The following UBE2V2 variants were observed in gnomAD, a reference collection of about 807,000 sequenced individuals.
UBE2V2 encodes ubiquitin conjugating enzyme E2 V2, also known as ubiquitin-conjugating enzyme E2 variant 2.
A neutral mutation model predicts 17.2 loss-of-function variants in UBE2V2; 9 were observed. That is an observed-to-expected ratio of 0.52 (90% confidence interval 0.32 to 0.91). The LOEUF is 0.91. UBE2V2 is among the 40% of genes least tolerant of loss of function. The pLI is 0.04. For missense variants in UBE2V2, 133 were observed against 182.6 expected (o/e 0.73, Z 1.56); for synonymous variants, 61 against 57.5 (o/e 1.06, Z -0.28).
chr8:48,004,750 T>C (rs2091172831), upstream of UBE2V2, among the ~76,000 whole-genome samples: 1 of 152,074 alleles, frequency 6.6e-6, no homozygotes, highest in African/African-American at 2.4e-5. Context: ...AGGCTGGTAT[T>C]GAATTCCCGA....
intron 1 of UBE2V2, among the ~76,000 whole-genome samples, chr8:48,015,209 C>T (rs2091261043): frequency 6.6e-6 from 1 of 151,866 alleles, no homozygotes; most frequent in Admixed American, 6.6e-5. Context: ...AAAATCCCAT[C>T]TCTACAAAAA....
At chr8:48,030,341 G>A (rs1473378321) in intron 1 of UBE2V2, among the ~76,000 whole-genome samples, 1 of 152,220 alleles carries the variant, frequency 6.6e-6, no homozygotes, top group Non-Finnish European at 1.5e-5. Flanking sequence ...TGTTTATCAA[G>A]TGCCTGTTGT....
In UBE2V2 at chr8:48,061,020, G is replaced by A. The variant is rs1802584139; in HGVS notation, c.*192G>A. 2.2e-6 allele frequency: 1 copy of A among 463,438 alleles called. No individual in the cohort carries two copies. The highest frequency in any genetic ancestry group is 3.4e-6 in the Non-Finnish European group (1 of 297,642). The allele number at this position is 463,438 out of a possible 1,614,324, so 28.7% of individuals were successfully genotyped here. On this transcript the variant is annotated 3_prime_UTR_variant, in exon 4 of 4. Coordinates refer to ENST00000523111, the MANE Select transcript of UBE2V2 (RefSeq NM_003350.3). ...TTCAGGTAACAGGAGGAAAAATGCA[G>A]CACAATTTTTTTTCTCTTGAAAGGC...
At chr8:48,004,817 C>T (rs2091173238), upstream of UBE2V2, among the ~76,000 whole-genome samples, 1 of 151,976 alleles carries the variant, frequency 6.6e-6, no homozygotes, top group African/African-American at 2.4e-5. Flanking sequence ...GCGTGAGCCA[C>T]CGCACCTGGC....
the UBE2V2 span, among the ~76,000 whole-genome samples, chr8:47,999,818 C>T: frequency 6.6e-6 from 1 of 152,192 alleles, no homozygotes; most frequent in African/African-American, 2.4e-5. Flanking sequence ...GGCAGACTCA[C>T]GTCTCAAAAA....
At chr8:47,999,598 G>A in the UBE2V2 span, among the ~76,000 whole-genome samples, 1 of 151,994 alleles carries the variant, frequency 6.6e-6, no homozygotes, top group Non-Finnish European at 1.5e-5. Context: ...CTGACCTTGT[G>A]ATCTGCATGC....
rs766888940 is a variant in UBE2V2 at position 48,042,985 on chromosome 8, CTTATAA to C, written c.17-43_17-38del. 5.0e-5 allele frequency: 69 copies of C among 1,378,878 alleles called. 1 individual carries two copies. Among genetic ancestry groups the C allele is most frequent in the East Asian group, 1.8e-4 (7 of 39,606 alleles). 85.4% of individuals were successfully genotyped at this position (1,378,878 alleles called of 1,614,324 possible). A position where few individuals can be genotyped will look rare whatever the true frequency, so the allele number is the denominator to read the frequency against. ...AAGCTGAATTTAAATACGTGTAGCT[CTTATAA>C]TTATGAGCTTTTTACATTTACACTG... On this transcript the variant is annotated intron_variant, in intron 1 of 3. Transcript: ENST00000523111.
At chr8:47,999,842 T>C in the UBE2V2 span, among the ~76,000 whole-genome samples, 84 of 152,282 alleles carry the variant, frequency 5.5e-4, no homozygotes, top group African/African-American at 1.8e-3. Flanking sequence ...AGCTCCCCGA[T>C]TGAGCAATTC....
At chr8:48,043,940 T>TTA (rs11426371) in intron 2 of UBE2V2, among the ~76,000 whole-genome samples, 1 of 151,640 alleles carries the variant, frequency 6.6e-6, no homozygotes, top group African/African-American at 2.4e-5. Flanking sequence ...TTTTTTTTTT[T>TTA]ACATTGCATT....
chr8:48,020,630 C>T (rs145047309), intron 1 of UBE2V2, among the ~76,000 whole-genome samples: 146 of 152,152 alleles, frequency 9.6e-4, no homozygotes, highest in African/African-American at 3.2e-3. Flanking sequence ...TTTGATTCCT[C>T]GCCTTTTTAT....
the UBE2V2 span, among the ~76,000 whole-genome samples, chr8:48,002,515 T>C: frequency 6.6e-6 from 1 of 152,054 alleles, no homozygotes; most frequent in Non-Finnish European, 1.5e-5. Flanking sequence ...AGGCCAGGCA[T>C]GGTGGCTCAC....
At chr8:48,005,266 G>A (rs145764025), upstream of UBE2V2, among the ~76,000 whole-genome samples, 2,220 of 152,126 alleles carry the variant, frequency 0.015, 61 homozygotes, top group African/African-American at 0.049. Context: ...AGAACATGAG[G>A]TGTTTGGTTT....
chr8:48,046,188 C>T (rs368703782), intron 2 of UBE2V2, among the ~76,000 whole-genome samples: 174 of 152,078 alleles, frequency 1.1e-3, no homozygotes, highest in African/African-American at 2.5e-3. Flanking sequence ...GGCGCCATCT[C>T]GGCTCACTGC....
chr8:48,022,338 G>A (rs908090136), intron 1 of UBE2V2, among the ~76,000 whole-genome samples: 4 of 151,926 alleles, frequency 2.6e-5, no homozygotes, highest in Admixed American at 1.3e-4. Context: ...GTTTCACCAT[G>A]TTGGCTAGGC....
intron 1 of UBE2V2, among the ~76,000 whole-genome samples, chr8:48,016,088 G>T (rs1010032349): frequency 3.3e-5 from 5 of 151,928 alleles, no homozygotes; most frequent in African/African-American, 7.3e-5. Context: ...GTAGAGATGG[G>T]GTTTCACCAT....
intron 1 of UBE2V2, among the ~76,000 whole-genome samples, chr8:48,023,325 C>G (rs767161203): frequency 6.6e-6 from 1 of 151,732 alleles, no homozygotes; most frequent in Non-Finnish European, 1.5e-5. Flanking sequence ...AAGTGATTCT[C>G]CTGCCTCAGC....
At chr8:48,055,723 C>T (rs1227095612) in intron 3 of UBE2V2, among the ~76,000 whole-genome samples, 1 of 151,468 alleles carries the variant, frequency 6.6e-6, no homozygotes, top group Admixed American at 6.6e-5. Context: ...CATTTCCCAT[C>T]CCATCTCCCT....
rs1177366543 is a variant in UBE2V2 at position 48,061,951 on chromosome 8, T to C, written c.*1123T>C. 2 of 152,338 alleles carry C rather than the reference T, an allele frequency of 1.3e-5. No individual in the cohort carries two copies. The highest frequency in any genetic ancestry group is 1.5e-5 in the Non-Finnish European group (1 of 68,024). The allele number at this position is 152,338 out of a possible 1,614,324, so 9.4% of individuals were successfully genotyped here. A position where few individuals can be genotyped will look rare whatever the true frequency, so the allele number is the denominator to read the frequency against. ...TTGGTTAATAAATAGGGTCAACTAATTGGAGACTTTTCTCTTCCAATTAGG... is the reference window on the plus strand; with the variant it reads ...TTGGTTAATAAATAGGGTCAACTAACTGGAGACTTTTCTCTTCCAATTAGG... On this transcript the variant is annotated 3_prime_UTR_variant, in exon 4 of 4. Transcript: ENST00000523111.
intron 1 of UBE2V2, among the ~76,000 whole-genome samples, chr8:48,024,853 G>T (rs1359623830): frequency 2.6e-5 from 4 of 151,734 alleles, no homozygotes; most frequent in Admixed American, 6.6e-5. Flanking sequence ...GCTAAATGCT[G>T]GTCAATATTC....
Sources: gnomAD v4.1 joint callset for allele counts (sites outside exome capture counted in the v4.1 genomes callset) on GRCh38, gnomAD v4.1.1 for gene constraint, MANE v1.5 for transcripts, NCBI Gene and HGNC (gene_info 2026-07-23, HGNC 2026-07-21) for gene names.